The following TGM4 variants were observed in gnomAD, a reference collection of about 807,000 sequenced individuals.
TGM4 encodes protein-glutamine gamma-glutamyltransferase 4.
A neutral mutation model predicts 76.3 loss-of-function variants in TGM4; 61 were observed. The observed-to-expected ratio is 0.80, with a 90% CI of 0.65 to 0.99. TGM4 has a LOEUF of 0.99. Ranked by LOEUF, TGM4 falls within the 50% of genes least tolerant of loss-of-function variation. The probability of loss-of-function intolerance (pLI) is 0.00; values close to 1 mark genes in which losing one functional copy is unlikely to be tolerated. For missense variants in TGM4, 794 were observed against 843.2 expected (o/e 0.94, Z 0.72); for synonymous variants, 337 against 329.8 (o/e 1.02, Z -0.24).
chr3:44,913,090 T>C (rs1374721316), intron 13 of TGM4, among the ~76,000 whole-genome samples: 1 of 152,184 alleles, frequency 6.6e-6, no homozygotes, highest in African/African-American at 2.4e-5. Context: ...CTGGGGAGTA[T>C]TGTTACAGTG....
chr3:44,907,546 G>A (rs1357680301), intron 10 of TGM4, among the ~76,000 whole-genome samples: 2 of 152,090 alleles, frequency 1.3e-5, no homozygotes, highest in African/African-American at 4.8e-5. Flanking sequence ...CATTCACCTT[G>A]CTAAGACTGT....
At chr3:44,891,836 A>G (rs927900155) in intron 4 of TGM4, among the ~76,000 whole-genome samples, 1 of 151,672 alleles carries the variant, frequency 6.6e-6, no homozygotes, top group Admixed American at 6.6e-5. Flanking sequence ...TTAGCCGGGC[A>G]TGGTGGCGGG....
intron 5 of TGM4, among the ~76,000 whole-genome samples, chr3:44,895,385 G>A (rs1699766214): frequency 6.6e-6 from 1 of 152,240 alleles, no homozygotes; most frequent in Non-Finnish European, 1.5e-5. Context: ...TCAGCACTTT[G>A]GGAGGCCAAG....
At chr3:44,879,103 G>T (rs983075686) in intron 1 of TGM4, among the ~76,000 whole-genome samples, 2 of 151,054 alleles carry the variant, frequency 1.3e-5, no homozygotes, top group African/African-American at 4.9e-5. Context: ...TTCATTTTGA[G>T]AACCATATTT....
rs1436355710 is a variant in TGM4 at position 44,913,736 on chromosome 3, T to C, written c.*11T>C. Reference sequence around the variant, plus strand: ...CTCATCACCAAGTAGCCTTGTCTGATGCTGTGGAGCCTTAGTTGAGATTTC... The same window carrying C: ...CTCATCACCAAGTAGCCTTGTCTGACGCTGTGGAGCCTTAGTTGAGATTTC... On this transcript the variant is annotated 3_prime_UTR_variant, in exon 14 of 14. Transcript: ENST00000296125. 1.2e-6 allele frequency: 2 copies of C among 1,610,344 alleles called. No homozygotes were observed. Among genetic ancestry groups the C allele is most frequent in the Non-Finnish European group, 1.7e-6 (2 of 1,178,524 alleles).
intron 11 of TGM4, 108 bp from the exon 12 acceptor site, chr3:44,910,850 T>A: frequency 7.9e-7 from 1 of 1,266,468 alleles, no homozygotes; most frequent in Non-Finnish European, 1.1e-6. Context: ...TCCAAAGTTA[T>A]CCAGTTCAAT....
chr3:44,885,341 C>T lies in TGM4; in HGVS notation c.36C>T (p.His12=), dbSNP rs1276687253. 1 of 1,608,668 alleles carries T rather than the reference C, an allele frequency of 6.2e-7. No homozygotes were observed. ...MDASKELQVL[H]IDFLNQDNAV... ...TGCTGACAGAGCTGCAAGTTCTCCA[C>T]ATTGACTTCTTGAATCAGGACAACG... The change falls in exon 2 of 14, where the codon CAC becomes CAT. Residue 12 remains histidine, a synonymous_variant. Transcript: ENST00000296125.
At chr3:44,899,850 G>A (rs1219319085) in intron 6 of TGM4, among the ~76,000 whole-genome samples, 2 of 152,240 alleles carry the variant, frequency 1.3e-5, no homozygotes, top group Non-Finnish European at 2.9e-5. Flanking sequence ...GGTCAGGGCA[G>A]CTCATAGCAT....
At position 44,890,481 on chromosome 3, in the gene TGM4, TC is replaced by T. The variant is rs1699676643; in HGVS notation, c.301-121del. ...TGTCCAGGGTCCTGACCATTCCTTG[TC>T]TCCAGGCTGGTTCCAGATGGGATGA... On this transcript the variant is annotated intron_variant, in intron 3 of 13. Coordinates refer to ENST00000296125, the MANE Select transcript of TGM4 (RefSeq NM_003241.4). The T allele has an allele frequency of 1.8e-5, 25 of 1,406,514 alleles. No individual in the cohort carries two copies. The South Asian group carries it at 3.4e-4, about 19-fold the overall frequency. 87.1% of individuals were successfully genotyped at this position (1,406,514 alleles called of 1,614,324 possible).
intron 10 of TGM4, 35 bp downstream of exon 10, chr3:44,907,235 CCT>C: frequency 6.2e-7 from 1 of 1,605,486 alleles, no homozygotes; most frequent in Non-Finnish European, 8.5e-7. Flanking sequence ...TGACTCAGCC[CCT>C]GAGTCACCCA....
At chr3:44,911,531 T>C (rs993459912) in intron 13 of TGM4, 125 bp downstream of exon 13, 1 of 1,076,392 alleles carries the variant, frequency 9.3e-7, no homozygotes, top group Non-Finnish European at 1.3e-6. Context: ...TACATTTTGC[T>C]AGTGCCAAAT....
chr3:44,876,732 A>G (rs1699456187), intron 1 of TGM4, among the ~76,000 whole-genome samples: 1 of 152,188 alleles, frequency 6.6e-6, no homozygotes, highest in African/African-American at 2.4e-5. Context: ...AAGGAAAAGA[A>G]CAGTAAAACT....
chr3:44,908,374 GT>G (rs56777730), intron 10 of TGM4, among the ~76,000 whole-genome samples: 8 of 149,972 alleles, frequency 5.3e-5, no homozygotes, highest in Admixed American at 1.3e-4. Flanking sequence ...GGTCAGGAGT[GT>G]TTTTTTTTGT....
intron 4 of TGM4, among the ~76,000 whole-genome samples, chr3:44,891,560 C>A (rs4683001): frequency 6.6e-6 from 1 of 151,646 alleles, no homozygotes; most frequent in East Asian, 1.9e-4. Context: ...ATTTTTGAAC[C>A]ATTTGAGAGT....
intron 9 of TGM4, among the ~76,000 whole-genome samples, chr3:44,905,541 G>C (rs575880125): frequency 3.7e-4 from 57 of 152,350 alleles, no homozygotes; most frequent in Non-Finnish European, 6.8e-4. Flanking sequence ...GCCAGAGAGT[G>C]AACAGGGCTG....
At chr3:44,911,526 T>G in intron 13 of TGM4, 120 bp downstream of exon 13, 1 of 1,162,924 alleles carries the variant, frequency 8.6e-7, no homozygotes, top group Non-Finnish European at 1.2e-6. Context: ...GTAGATACAT[T>G]TTGCTAGTGC....
chr3:44,898,059 A>G (rs1699803648), intron 6 of TGM4, among the ~76,000 whole-genome samples: 1 of 152,204 alleles, frequency 6.6e-6, no homozygotes, highest in African/African-American at 2.4e-5. Flanking sequence ...AGGCAGGCAG[A>G]TCACGAGGTC....
chr3:44,897,970 C>T (rs1048657997), intron 6 of TGM4, among the ~76,000 whole-genome samples: 8 of 152,110 alleles, frequency 5.3e-5, no homozygotes, highest in Non-Finnish European at 1.2e-4. Context: ...TGGCCTCACA[C>T]GGATACGTAG....
intron 9 of TGM4, among the ~76,000 whole-genome samples, chr3:44,904,970 C>T (rs555186565): frequency 4.3e-4 from 65 of 152,168 alleles, no homozygotes; most frequent in African/African-American, 1.4e-3. Flanking sequence ...GCATGAGCCA[C>T]TGTGCCTGGC....
Sources: gnomAD v4.1 joint callset for allele counts (sites outside exome capture counted in the v4.1 genomes callset) on GRCh38, gnomAD v4.1.1 for gene constraint, MANE v1.5 for transcripts, NCBI Gene and HGNC (gene_info 2026-07-23, HGNC 2026-07-21) for gene names.